ANXA8L1: variants seen among roughly 807,000 people sequenced by gnomAD.
The protein encoded by ANXA8L1 is annexin A8-like protein 1.
Under a neutral mutation model 22.5 loss-of-function variants are expected in ANXA8L1, and 10 were observed. The observed-to-expected ratio is 0.44, with a 90% CI of 0.27 to 0.75. The LOEUF (loss-of-function observed/expected upper bound fraction) is 0.75, where lower values mean the gene tolerates loss of function less well. Among genes scored for constraint, ANXA8L1 ranks in the 30% least tolerant of loss-of-function variants. The pLI is 0.15. For missense variants in ANXA8L1, 88 were observed against 219.6 expected (o/e 0.40, Z 3.79); for synonymous variants, 36 against 86.0 (o/e 0.42, Z 3.22).
intron 4 of ANXA8L1, 48 bp downstream of exon 4, chr10:46,382,740 T>G: frequency 9.7e-7 from 1 of 1,036,152 alleles, no homozygotes; most frequent in Non-Finnish European, 1.3e-6. Context: ...CTCACATGAC[T>G]GGGTAGGGGC....
At chr10:46,390,041 C>T (rs1269981349) in intron 11 of ANXA8L1, among the ~76,000 whole-genome samples, 1 of 150,592 alleles carries the variant, frequency 6.6e-6, no homozygotes, top group East Asian at 1.9e-4. Context: ...CAGTCTACCC[C>T]TTACTCACCA....
At chr10:46,378,721 G>C in intron 1 of ANXA8L1, among the ~76,000 whole-genome samples, 1 of 69,656 alleles carries the variant, frequency 1.4e-5, no homozygotes, top group Middle Eastern at 5.5e-3. Flanking sequence ...TGTGAAACAT[G>C]GTGCTAAGAA....
chr10:46,385,327 C>A, intron 7 of ANXA8L1, 53 bp from the exon 8 acceptor site: 1 of 660,812 alleles, frequency 1.5e-6, no homozygotes, highest in Non-Finnish European at 2.4e-6. Context: ...GGGGCTCAGT[C>A]CCTCACCTCC....
At chr10:46,384,344 C>T (rs1239874054) in intron 6 of ANXA8L1, 59 bp downstream of exon 6, 1 of 330,960 alleles carries the variant, frequency 3.0e-6, no homozygotes, top group Admixed American at 6.5e-5. Flanking sequence ...AGCTCCACCC[C>T]AGGGAGCAGC....
intron 1 of ANXA8L1, among the ~76,000 whole-genome samples, chr10:46,377,878 GCTGGT>G (rs1839948399): frequency 8.4e-6 from 1 of 118,694 alleles, no homozygotes. Flanking sequence ...GTAGTCACAG[GCTGGT>G]CTGAGTCACC....
chr10:46,390,245 A>G (rs1840064680), intron 11 of ANXA8L1, among the ~76,000 whole-genome samples: 1 of 150,366 alleles, frequency 6.7e-6, no homozygotes, highest in Admixed American at 6.6e-5. Context: ...CAGTCTCATC[A>G]GGAGACAAAC....
At chr10:46,383,322 T>C in intron 4 of ANXA8L1, 134 bp from the exon 5 acceptor site, 2 of 1,508,738 alleles carry the variant, frequency 1.3e-6, no homozygotes, top group Non-Finnish European at 1.8e-6. Context: ...GATTTTCTCA[T>C]CACATCCTCC....
intron 11 of ANXA8L1, among the ~76,000 whole-genome samples, chr10:46,390,458 C>G (rs572370122): frequency 2.3e-3 from 281 of 121,104 alleles, no homozygotes; most frequent in Middle Eastern, 0.012. Flanking sequence ...GCCCTGCTCC[C>G]AGGTGTGTGC....
Position 46,390,985 on chromosome 10 carries a change from C to T in ANXA8L1, c.*55C>T, listed in dbSNP as rs1257823897. ...AAGCCAGAGTCTCCAGGACTCCTCACTCAACCTCGGCCATGGACGCAGGTT... is the reference window on the plus strand; with the variant it reads ...AAGCCAGAGTCTCCAGGACTCCTCATTCAACCTCGGCCATGGACGCAGGTT... On this transcript the variant is annotated 3_prime_UTR_variant, in exon 12 of 12. Coordinates refer to ENST00000619162, the MANE Select transcript of ANXA8L1 (RefSeq NM_001098845.3). 1 of 1,236,480 alleles carries T rather than the reference C, an allele frequency of 8.1e-7. No individual in the cohort carries two copies. The highest frequency in any genetic ancestry group is 2.3e-5 in the Admixed American group (1 of 44,230). 76.6% of individuals were successfully genotyped at this position (1,236,480 alleles called of 1,614,324 possible). A position where few individuals can be genotyped will look rare whatever the true frequency, so the allele number is the denominator to read the frequency against.
intron 7 of ANXA8L1, 115 bp downstream of exon 7, chr10:46,384,948 C>T: frequency 1.3e-6 from 2 of 1,513,614 alleles, no homozygotes; most frequent in South Asian, 2.3e-5. Context: ...GCTCAGCTCC[C>T]TATAGGCCTT....
At chr10:46,385,632 G>A in intron 8 of ANXA8L1, 80 bp from the exon 9 acceptor site, 1 of 365,068 alleles carries the variant, frequency 2.7e-6, no homozygotes, top group Non-Finnish European at 5.1e-6. Context: ...GCGGCAAATT[G>A]ATGTGCGATC....
rs1172067821 is a variant in ANXA8L1, at chr10:46,384,906, G to C, written c.552+73G>C. The C allele has an allele frequency of 8.9e-4, 1,436 of 1,605,522 alleles. 5 individuals carry two copies. The African/African-American group carries it at 0.017, about 19-fold the overall frequency. On this transcript the variant is annotated intron_variant, in intron 7 of 11. Transcript: ENST00000619162. ...GACTCCGGCTCCTCTGCCCACGGGG[G>C]CTTTCTCTGACACTGGGCTGGGACC...
chr10:46,378,971 G>A (rs1839964514), intron 1 of ANXA8L1, among the ~76,000 whole-genome samples: 1 of 142,930 alleles, frequency 7.0e-6, no homozygotes, highest in African/African-American at 2.8e-5. Context: ...AGTCAAATGG[G>A]TAAGTGCGTA....
chr10:46,376,176 CAAAG>C (rs1351937976), intron 1 of ANXA8L1, among the ~76,000 whole-genome samples: 1 of 135,642 alleles, frequency 7.4e-6, no homozygotes, highest in African/African-American at 2.8e-5. Flanking sequence ...TGGGGCCACT[CAAAG>C]GAGGGGGTAT....
chr10:46,389,802 A>T (rs1375284784), intron 11 of ANXA8L1, among the ~76,000 whole-genome samples: 2 of 151,528 alleles, frequency 1.3e-5, no homozygotes, highest in Non-Finnish European at 2.9e-5. Context: ...GGATCGCTTG[A>T]GCCCAGGAGT....
Position 46,384,779 on chromosome 10 carries a change from C to A in ANXA8L1, c.498C>A (p.Ser166Arg), listed in dbSNP as rs1407716058. 504 of 1,613,244 alleles carry A rather than the reference C, an allele frequency of 3.1e-4. 8 individuals are homozygous for A. The African/African-American group carries it at 6.0e-3, about 19-fold the overall frequency. The change falls in exon 7 of 12, where the codon AGC becomes AGA. Residue 166 changes from serine (S) to arginine (R), a missense_variant. Physicochemically the swap from Ser to Arg is moderately radical, Grantham distance 110. Transcript: ENST00000619162. Reference protein sequence around the residue: ...ERILVCLLQGSRDDVSSFVDP... With the variant: ...ERILVCLLQGRRDDVSSFVDP... ...GCCACCTCCTCTGTTCCTAGGGCAG[C>A]AGGGATGATGTGAGCAGCTTTGTGG...
At position 46,375,783 on chromosome 10, in the gene ANXA8L1, T is replaced by C; in HGVS notation, c.-69T>C. 1 of 1,607,772 alleles carries C rather than the reference T, an allele frequency of 6.2e-7. No individual in the cohort carries two copies. Among genetic ancestry groups the C allele is most frequent in the Non-Finnish European group, 8.5e-7 (1 of 1,178,118 alleles). On this transcript the variant is annotated 5_prime_UTR_variant, in exon 1 of 12. Coordinates refer to ENST00000619162, the MANE Select transcript of ANXA8L1 (RefSeq NM_001098845.3). ...TCCTCAGCTGCAGGAGCCAGACGTG[T>C]GGAGTCCCAGCAGAGGCCAACCTGT...
At chr10:46,389,877 G>A (rs1467978848) in intron 11 of ANXA8L1, among the ~76,000 whole-genome samples, 4 of 151,488 alleles carry the variant, frequency 2.6e-5, no homozygotes, top group African/African-American at 7.3e-5. Context: ...GTGAGACCGT[G>A]TCTAGAAAGG....
At chr10:46,390,525 A>T (rs1333612962) in intron 11 of ANXA8L1, among the ~76,000 whole-genome samples, 2 of 145,454 alleles carry the variant, frequency 1.4e-5, no homozygotes, top group Non-Finnish European at 3.0e-5. Flanking sequence ...TTGAATAATG[A>T]TGCATCGTGT....
Sources: allele counts gnomAD v4.1 joint callset (sites outside exome capture counted in the v4.1 genomes callset), GRCh38; gene constraint gnomAD v4.1.1; transcripts MANE v1.5; gene names NCBI Gene and HGNC (gene_info 2026-07-23, HGNC 2026-07-21).